The following FNDC9 variants were observed in gnomAD, a reference collection of about 807,000 sequenced individuals.
FNDC9 encodes fibronectin type III domain containing 9.
Under a neutral mutation model 9.0 loss-of-function variants are expected in FNDC9, and 3 were observed. That is an observed-to-expected ratio of 0.33 (90% confidence interval 0.15 to 0.86). The LOEUF is 0.86. FNDC9 is among the 40% of genes least tolerant of loss of function. The pLI is 0.53. For missense variants in FNDC9, 279 were observed against 287.2 expected, an observed-to-expected ratio of 0.97 and a Z score of 0.21; for synonymous variants, 114 against 115.6, an observed-to-expected ratio of 0.99 and a Z score of 0.09.
At chr5:157,344,053 T>G (rs1762498452) in intron 1 of FNDC9, among the ~76,000 whole-genome samples, 2 of 152,196 alleles carry the variant, frequency 1.3e-5, no homozygotes, top group South Asian at 4.1e-4. Context: ...TTTAGCCTCC[T>G]GGTTCTGTTG....
chr5:157,343,070 T>G lies in FNDC9; in HGVS notation c.467A>C (p.Asn156Thr), dbSNP rs200821834. 5.0e-6 allele frequency: 8 copies of G among 1,614,198 alleles called. No individual in the cohort carries two copies. Among genetic ancestry groups the G allele is most frequent in the Non-Finnish European group, 6.8e-6 (8 of 1,180,020 alleles). ...SYRAGHMEEA[N>T]GLVRWPEEAP... is the part of the protein sequence containing the mutation. ...CTCCTCTGGCCATCTCACCAACCCA[T>G]TGGCCTCCTCCATGTGGCCAGCCCT... The change falls in exon 2 of 2, where the codon AAT becomes ACT. Residue 156 changes from asparagine (N) to threonine (T), a missense_variant. Physicochemically the swap from Asn to Thr is moderately conservative, Grantham distance 65 (BLOSUM62 0). Coordinates refer to ENST00000312349, the MANE Select transcript of FNDC9 (RefSeq NM_001001343.4).
At chr5:157,345,320 T>A (rs1255865758) in intron 1 of FNDC9, 1 of 152,560 alleles carries the variant, frequency 6.6e-6, no homozygotes. Flanking sequence ...TCTGTACAGA[T>A]GGAATTACCT....
At position 157,343,250 on chromosome 5, in the gene FNDC9, T is replaced by C. The variant is rs373670726; in HGVS notation, c.287A>G (p.Asp96Gly). Reference sequence around the variant, plus strand: ...GCTTCCAGGAGCCAGCGGACTCTTATCCAGGGTGTGGAACATGGTGCAGTA... The same window carrying C: ...GCTTCCAGGAGCCAGCGGACTCTTACCCAGGGTGTGGAACATGGTGCAGTA... ...RHYCTMFHTL[D>G]KSPLAPGSSL... Residue 96 changes from aspartate (D) to glycine (G), a missense_variant, in exon 2 of 2, where the codon GAT becomes GGT. Asp to Gly is a moderately conservative substitution (Grantham distance 94, BLOSUM62 -1). Transcript: ENST00000312349. 3.2e-5 allele frequency: 51 copies of C among 1,614,184 alleles called. No homozygotes were observed. The highest frequency in any genetic ancestry group is 1.8e-4 in the East Asian group (8 of 44,866).
rs1361983707 is a variant in FNDC9 at position 157,342,088 on chromosome 5, ACAAG to A, written c.*770_*773del. On this transcript the variant is annotated 3_prime_UTR_variant, in exon 2 of 2. Transcript: ENST00000312349. ...CACTGGATCTCCCTTTTTATCAAAG[ACAAG>A]CAAGCAGGCATTAAGCTCAGAATCA... 1.3e-5 allele frequency: 2 copies of A among 152,642 alleles called. No homozygotes were observed. The highest frequency in any genetic ancestry group is 2.9e-5 in the Non-Finnish European group (2 of 68,028). 9.5% of individuals were successfully genotyped at this position (152,642 alleles called of 1,614,324 possible). A position where few individuals can be genotyped will look rare whatever the true frequency, so the allele number is the denominator to read the frequency against.
In FNDC9 at chr5:157,343,351, C is replaced by T. The variant is rs374331000; in HGVS notation, c.186G>A (p.Val62=). The part of the protein sequence containing the change: ...EKVPRTISSV[V]LEHLAPSTLY... ...GAGTGGAAGGGGCAAGATGTTCCAG[C>T]ACCACGGAGCTGATCGTTCGAGGCA... Residue 62 remains valine, a synonymous_variant, in exon 2 of 2, where the codon GTG becomes GTA. Coordinates refer to ENST00000312349, the MANE Select transcript of FNDC9 (RefSeq NM_001001343.4). The T allele has an allele frequency of 2.5e-6, 4 of 1,614,158 alleles. No individual in the cohort carries two copies. The highest frequency in any genetic ancestry group is 2.5e-6 in the Non-Finnish European group (3 of 1,180,028).
rs374331000 is a variant in FNDC9 at position 157,343,351 on chromosome 5, C to G, written c.186G>C (p.Val62=). The change falls in exon 2 of 2, where the codon GTG becomes GTC. Residue 62 remains valine (V), a synonymous_variant. Transcript: ENST00000312349. ...GAGTGGAAGGGGCAAGATGTTCCAG[C>G]ACCACGGAGCTGATCGTTCGAGGCA... ...EKVPRTISSV[V]LEHLAPSTLY... 5.0e-6 allele frequency: 8 copies of G among 1,614,158 alleles called. No individual in the cohort carries two copies. Among genetic ancestry groups the G allele is most frequent in the Middle Eastern group, 1.6e-4 (1 of 6,062 alleles).
At chr5:157,344,481 G>A (rs990575354) in intron 1 of FNDC9, among the ~76,000 whole-genome samples, 4 of 152,166 alleles carry the variant, frequency 2.6e-5, no homozygotes, top group African/African-American at 7.2e-5. Context: ...AGTTACAGAC[G>A]TTATCGCAAA....
In FNDC9 at chr5:157,342,346, G is replaced by A. The variant is rs1234394489; in HGVS notation, c.*516C>T. On this transcript the variant is annotated 3_prime_UTR_variant, in exon 2 of 2. Transcript: ENST00000312349. ...AATCCATGGTTTTAAAAAATAGAGA[G>A]CGGTGGTATGTGATTGCCTAAAAGT... 6.5e-6 allele frequency: 1 copy of A among 152,844 alleles called. No homozygotes were observed. The highest frequency in any genetic ancestry group is 1.5e-5 in the Non-Finnish European group (1 of 68,276). 9.5% of individuals were successfully genotyped at this position (152,844 alleles called of 1,614,324 possible). A position where few individuals can be genotyped will look rare whatever the true frequency, so the allele number is the denominator to read the frequency against.
In FNDC9 at chr5:157,342,901, A is replaced by G. The variant is rs761670872; in HGVS notation, c.636T>C (p.Gly212=). 2 of 1,613,298 alleles carry G rather than the reference A, an allele frequency of 1.2e-6. No homozygotes were observed. ...APDAGALQRG[G]GDPPAILPHC... ...GAGGCAGTATAGCGGGTGGGTCACC[A>G]CCCCCCCTCTGTAAGGCACCCGCAT... Residue 212 remains glycine, a synonymous_variant, in exon 2 of 2, where the codon GGT becomes GGC. Transcript: ENST00000312349.
At chr5:157,344,738 C>T (rs766710255) in intron 1 of FNDC9, among the ~76,000 whole-genome samples, 2 of 152,158 alleles carry the variant, frequency 1.3e-5, no homozygotes, top group African/African-American at 2.4e-5. Context: ...CATGAAACCC[C>T]GTAGGTTTCA....
Position 157,343,549 on chromosome 5 carries a change from A to G in FNDC9, c.-7-6T>C. On this transcript the variant is annotated splice_region_variant and splice_polypyrimidine_tract_variant and intron_variant, in intron 1 of 1. Transcript: ENST00000312349. Reference sequence around the variant, plus strand: ...CCTCGATGTTCATCCCGATTCTGGAACCAGAATCAAAGTGAAGAGTGACAT... The same window carrying G: ...CCTCGATGTTCATCCCGATTCTGGAGCCAGAATCAAAGTGAAGAGTGACAT... 1 of 1,536,846 alleles carries G rather than the reference A, an allele frequency of 6.5e-7. No homozygotes were observed. Among genetic ancestry groups the G allele is most frequent in the Non-Finnish European group, 8.8e-7 (1 of 1,138,132 alleles).
chr5:157,343,436 G>C lies in FNDC9; in HGVS notation c.101C>G (p.Pro34Arg). The C allele has an allele frequency of 1.2e-6, 2 of 1,614,080 alleles. No homozygotes were observed. Among genetic ancestry groups the C allele is most frequent in the South Asian group, 2.2e-5 (2 of 91,076 alleles). The change falls in exon 2 of 2, where the codon CCC becomes CGC. Residue 34 changes from proline to arginine, a missense_variant. By Grantham distance (103) the Pro-to-Arg change is moderately radical. Coordinates refer to ENST00000312349, the MANE Select transcript of FNDC9 (RefSeq NM_001001343.4). ...LEDYYHIMYR[P>R]NWNSIFSGYL... Reference sequence around the variant, plus strand: ...GCCAGAGAAGATGCTGTTCCAGTTGGGCCTGTACATAATATGGTAATAGTC... The same window carrying C: ...GCCAGAGAAGATGCTGTTCCAGTTGCGCCTGTACATAATATGGTAATAGTC...
chr5:157,342,570 T>G lies in FNDC9; in HGVS notation c.*292A>C. 6.4e-6 allele frequency: 2 copies of G among 312,976 alleles called. No homozygotes were observed. Among genetic ancestry groups the G allele is most frequent in the Non-Finnish European group, 1.2e-5 (2 of 169,182 alleles). 19.4% of individuals were successfully genotyped at this position (312,976 alleles called of 1,614,324 possible). A position where few individuals can be genotyped will look rare whatever the true frequency, so the allele number is the denominator to read the frequency against. On this transcript the variant is annotated 3_prime_UTR_variant, in exon 2 of 2. Coordinates refer to ENST00000312349, the MANE Select transcript of FNDC9 (RefSeq NM_001001343.4). The stretch of plus-strand genomic sequence containing the variant: ...GTCATGCAAATTTTTGCTTTCTACT[T>G]TATAACATATCCATGTTTGTTTTAA...
At chr5:157,345,265 T>G (rs1762594670) in intron 1 of FNDC9, 1 of 152,322 alleles carries the variant, frequency 6.6e-6, no homozygotes, top group Non-Finnish European at 1.5e-5. Flanking sequence ...TCCTGTTTCT[T>G]GTCACGCACA....
At position 157,343,054 on chromosome 5, in the gene FNDC9, C is replaced by T. The variant is rs374229052; in HGVS notation, c.483G>A (p.Trp161Ter). The stretch of plus-strand genomic sequence containing the variant: ...GACCAAGATCCGGGGCCTCCTCTGG[C>T]CATCTCACCAACCCATTGGCCTCCT... ...HMEEANGLVR[W>*]PEEAPDLGQR... is the part of the protein sequence containing the mutation. Residue 161 changes from tryptophan (W) to a stop codon, truncating the protein, a stop_gained, in exon 2 of 2, where the codon TGG (tryptophan) becomes TGA (stop). Transcript: ENST00000312349. LOFTEE classifies it low-confidence loss of function (END_TRUNC). 3 of 1,614,208 alleles carry T rather than the reference C, an allele frequency of 1.9e-6. No individual in the cohort carries two copies. Among genetic ancestry groups the T allele is most frequent in the Non-Finnish European group, 2.5e-6 (3 of 1,180,022 alleles).
chr5:157,344,978 A>T (rs755511384), intron 1 of FNDC9, among the ~76,000 whole-genome samples: 11 of 152,222 alleles, frequency 7.2e-5, no homozygotes, highest in Non-Finnish European at 1.2e-4. Flanking sequence ...GTGAACTAAG[A>T]TACTCAGGAA....
At chr5:157,345,179 C>T (rs975882125) in intron 1 of FNDC9, among the ~76,000 whole-genome samples, 6 of 152,158 alleles carry the variant, frequency 3.9e-5, no homozygotes, top group East Asian at 1.9e-4. Flanking sequence ...AATACACTTT[C>T]GACCACGATG....
chr5:157,345,066 C>G (rs1266296941), intron 1 of FNDC9, among the ~76,000 whole-genome samples: 5 of 152,246 alleles, frequency 3.3e-5, no homozygotes, highest in Admixed American at 1.3e-4. Context: ...CGGATGTGCT[C>G]AGACCCTTCC....
intron 1 of FNDC9, 80 bp from the exon 2 acceptor site, chr5:157,343,623 C>T: frequency 8.7e-7 from 1 of 1,147,142 alleles, no homozygotes; most frequent in Non-Finnish European, 1.2e-6. Context: ...CCATTTATTG[C>T]ACATTTGAGA....
Sources: allele counts gnomAD v4.1 joint callset (sites outside exome capture counted in the v4.1 genomes callset), GRCh38; gene constraint gnomAD v4.1.1; transcripts MANE v1.5; gene names NCBI Gene and HGNC (gene_info 2026-07-23, HGNC 2026-07-21).